Variants in SGCD observed in about 807,000 individuals in gnomAD.
SGCD encodes sarcoglycan delta, also known as delta-sarcoglycan.
SGCD carries 18 observed loss-of-function variants against 36.6 expected under a neutral mutation model. The ratio of observed to expected loss-of-function variants is 0.49; its 90% CI spans 0.34 to 0.73. The LOEUF is 0.73. SGCD is among the 30% of genes least tolerant of loss of function. SGCD has a pLI of 0.01. For synonymous variants in SGCD, 133 were observed against 130.6 expected (o/e 1.02, Z -0.12); for missense variants, 387 against 346.7 (o/e 1.12, Z -0.92).
intron 1 of SGCD, among the ~76,000 whole-genome samples, chr5:156,060,539 G>T (rs2127583590): frequency 6.8e-6 from 1 of 146,252 alleles, no homozygotes; most frequent in East Asian, 1.9e-4. Flanking sequence ...GGGGCATTTT[G>T]GGAACTAACC....
intron 1 of SGCD, among the ~76,000 whole-genome samples, chr5:156,086,356 G>A (rs1187332774): frequency 6.6e-6 from 1 of 152,196 alleles, no homozygotes; most frequent in African/African-American, 2.4e-5. Context: ...ACAAATAACA[G>A]GTATGAGTGC....
intron 1 of SGCD, among the ~76,000 whole-genome samples, chr5:156,080,958 AATT>A (rs1049238880): frequency 6.6e-6 from 1 of 152,144 alleles, no homozygotes; most frequent in Admixed American, 6.6e-5. Context: ...TCCTGGTACC[AATT>A]TTATGTGTTA....
chr5:156,358,962 T>C (rs1395532675), intron 3 of SGCD, among the ~76,000 whole-genome samples: 4 of 152,210 alleles, frequency 2.6e-5, no homozygotes, highest in African/African-American at 9.6e-5. Context: ...GTTGAACATT[T>C]GGTGAGGAGA....
At chr5:155,913,952 G>A (rs149656247) in intron 1 of SGCD, among the ~76,000 whole-genome samples, 1,747 of 152,278 alleles carry the variant, frequency 0.011, 33 homozygotes, top group African/African-American at 0.039. Flanking sequence ...AGGTGATGAT[G>A]AGAAATTGTT....
chr5:156,185,215 T>C (rs1763706694), intron 3 of SGCD, among the ~76,000 whole-genome samples: 1 of 34,388 alleles, frequency 2.9e-5, no homozygotes, highest in South Asian at 9.6e-4. Flanking sequence ...TAATTTTCTT[T>C]TTTTTTTTTT....
At chr5:156,072,268 C>G (rs1166024931) in intron 1 of SGCD, among the ~76,000 whole-genome samples, 2 of 152,004 alleles carry the variant, frequency 1.3e-5, no homozygotes, top group Admixed American at 6.6e-5. Flanking sequence ...GTGGCTGGTA[C>G]CAGTTGTTCC....
intron 7 of SGCD, among the ~76,000 whole-genome samples, chr5:156,740,350 G>A (rs1756607168): frequency 6.6e-6 from 1 of 152,238 alleles, no homozygotes. Context: ...ATTAAACTGA[G>A]CTCTTGAAGA....
At position 156,424,098 on chromosome 5, in the gene SGCD, C is replaced by T. The variant is rs796328935; in HGVS notation, c.192+79421C>T. ...AATACTTTCTTTCATTTCCATATCA[C>T]ATTTCCACTTCCCCTTCCCAAAATC... On this transcript the variant is annotated intron_variant, in intron 3 of 8. Coordinates refer to ENST00000337851, the MANE Select transcript of SGCD (RefSeq NM_000337.6). 2.6e-5 allele frequency among the ~76,000 whole-genome samples: 4 copies of T among 152,130 alleles called. 1 individual carries two copies. Among genetic ancestry groups the T allele is most frequent in the East Asian group, 1.9e-4 (1 of 5,186 alleles).
rs1400258799 is a variant in SGCD, at chr5:156,590,311, G to A, written c.382+993G>A. Among the ~76,000 whole-genome samples the A allele has an allele frequency of 3.3e-5, 5 of 152,166 alleles. No individual in the cohort carries two copies. In the East Asian group the frequency reaches 5.8e-4, roughly 18 times the overall value. On this transcript the variant is annotated intron_variant, in intron 5 of 8. Transcript: ENST00000337851. ...GGAGCCTCACTCCCACTCTTCCCCT[G>A]GAGTGCTGCATGTAGATGTCTAGAG...
intron 3 of SGCD, among the ~76,000 whole-genome samples, chr5:156,320,936 C>G (rs1767646726): frequency 1.3e-5 from 2 of 152,110 alleles, no homozygotes; most frequent in Admixed American, 6.6e-5. Flanking sequence ...TGTCACTTCC[C>G]ATCAGGTATT....
intron 3 of SGCD, among the ~76,000 whole-genome samples, chr5:156,373,155 G>A (rs1380540060): frequency 6.6e-6 from 1 of 152,158 alleles, no homozygotes; most frequent in African/African-American, 2.4e-5. Context: ...GCTCGTGTTA[G>A]CATTCATGTC....
intron 1 of SGCD, among the ~76,000 whole-genome samples, chr5:155,889,551 G>T (rs1212065952): frequency 2.0e-5 from 3 of 152,146 alleles, no homozygotes; most frequent in Non-Finnish European, 2.9e-5. Context: ...TTAGAAGTCT[G>T]TACCTCCTAG....
At chr5:156,577,173 G>T (rs1759997152) in intron 4 of SGCD, among the ~76,000 whole-genome samples, 1 of 152,084 alleles carries the variant, frequency 6.6e-6, no homozygotes, top group Admixed American at 6.5e-5. Flanking sequence ...ATTAAATAGG[G>T]AATCCTTTCC....
At chr5:156,133,157 C>T (rs1427559035) in intron 3 of SGCD, among the ~76,000 whole-genome samples, 2 of 152,102 alleles carry the variant, frequency 1.3e-5, no homozygotes, top group African/African-American at 2.4e-5. Flanking sequence ...CAGTTTCATT[C>T]AATTTCAAGT....
At chr5:156,388,425 A>G (rs1580912467) in intron 3 of SGCD, among the ~76,000 whole-genome samples, 1 of 152,344 alleles carries the variant, frequency 6.6e-6, no homozygotes, top group African/African-American at 2.4e-5. Context: ...GTGTTCTGAT[A>G]TGGGCAGTAA....
chr5:156,000,086 G>A (rs1049369611), intron 1 of SGCD, among the ~76,000 whole-genome samples: 2 of 152,168 alleles, frequency 1.3e-5, no homozygotes, highest in Admixed American at 1.3e-4. Flanking sequence ...TTCAGCCCTG[G>A]GACCTAGGCT....
chr5:156,175,761 T>C (rs1354518767), intron 3 of SGCD, among the ~76,000 whole-genome samples: 1 of 152,206 alleles, frequency 6.6e-6, no homozygotes, highest in Non-Finnish European at 1.5e-5. Flanking sequence ...GCTGTTATTT[T>C]GACTTCTGAT....
At chr5:156,627,646 G>A (rs1762483848) in intron 6 of SGCD, among the ~76,000 whole-genome samples, 1 of 152,084 alleles carries the variant, frequency 6.6e-6, no homozygotes, top group Non-Finnish European at 1.5e-5. Context: ...TATAGGTACA[G>A]GAACTATTCT....
intron 3 of SGCD, among the ~76,000 whole-genome samples, chr5:156,476,950 G>A (rs1473096705): frequency 1.3e-5 from 2 of 151,666 alleles, no homozygotes; most frequent in Non-Finnish European, 2.9e-5. Context: ...GATATTTTAT[G>A]AGCCTAGAAG....
Sources: allele counts gnomAD v4.1 joint callset (sites outside exome capture counted in the v4.1 genomes callset), GRCh38; gene constraint gnomAD v4.1.1; transcripts MANE v1.5; gene names NCBI Gene and HGNC (gene_info 2026-07-23, HGNC 2026-07-21).